The following DAB1 variants were observed in gnomAD, a reference collection of about 807,000 sequenced individuals.
The protein encoded by DAB1 is disabled homolog 1.
DAB1 carries 15 observed loss-of-function variants against 64.6 expected under a neutral mutation model. The ratio of observed to expected loss-of-function variants is 0.23; its 90% CI spans 0.16 to 0.36. The LOEUF (loss-of-function observed/expected upper bound fraction) is 0.36, where lower values mean the gene tolerates loss of function less well. DAB1 is among the 10% of genes least tolerant of loss of function. DAB1 has a pLI of 1.00. For missense variants in DAB1, 596 were observed against 706.7 expected (o/e 0.84, Z 1.78); for synonymous variants, 235 against 251.9 (o/e 0.93, Z 0.64).
At chr1:58,121,151 A>G (rs1354041411) in intron 5 of DAB1, among the ~76,000 whole-genome samples, 1 of 152,008 alleles carries the variant, frequency 6.6e-6, no homozygotes, top group East Asian at 1.9e-4. Context: ...TAGCACTTCT[A>G]TTTCTCCACT....
In DAB1 at chr1:57,752,691, G is replaced by A. The variant is rs1480855596; in HGVS notation, n.552-103026C>T. Among the ~76,000 whole-genome samples, 7 of 152,180 alleles carry A rather than the reference G, an allele frequency of 4.6e-5. 1 individual carries two copies. Among genetic ancestry groups the A allele is most frequent in the Admixed American group, 4.6e-4 (7 of 15,284 alleles). ...TTGGAGTTTGAGAGCCAGGGATAATGATTCAAGGCTCTAGAATGTACTGAA... is the reference window on the plus strand; with the variant it reads ...TTGGAGTTTGAGAGCCAGGGATAATAATTCAAGGCTCTAGAATGTACTGAA... On this transcript the variant is annotated intron_variant and non_coding_transcript_variant, in intron 6 of 20. Transcript: ENST00000485760.
intron 6 of DAB1, among the ~76,000 whole-genome samples, chr1:57,740,841 C>G (rs1419638993): frequency 6.6e-6 from 1 of 152,018 alleles, no homozygotes; most frequent in East Asian, 1.9e-4. Flanking sequence ...ATTTTATGTG[C>G]AAATGTGTCA....
At chr1:57,237,422 T>C (rs1218942937) in intron 2 of DAB1, among the ~76,000 whole-genome samples, 2 of 152,232 alleles carry the variant, frequency 1.3e-5, no homozygotes, top group African/African-American at 4.8e-5. Flanking sequence ...CCTTTATCAT[T>C]CATCCAAAAG....
chr1:58,066,133 A>G (rs1327311826), intron 5 of DAB1, among the ~76,000 whole-genome samples: 1 of 152,222 alleles, frequency 6.6e-6, no homozygotes, highest in Non-Finnish European at 1.5e-5. Context: ...GGGAAGAGCA[A>G]GTGATGAAAG....
rs571803311 is a variant in DAB1, at chr1:57,726,664, C to T, written n.552-76999G>A. On this transcript the variant is annotated intron_variant and non_coding_transcript_variant, in intron 6 of 20. Coordinates refer to the DAB1 transcript ENST00000485760. ...TCATGTACATGATCCTCATTTAATA[C>T]TACAAACAACCTTAATTTCTATTCT... Among the ~76,000 whole-genome samples the T allele has an allele frequency of 7.2e-5, 11 of 152,314 alleles. No individual in the cohort carries two copies. In the East Asian group the frequency reaches 2.1e-3, roughly 29 times the overall value.
At chr1:58,492,236 A>AC (rs1487017003) in intron 3 of DAB1, among the ~76,000 whole-genome samples, 10 of 152,230 alleles carry the variant, frequency 6.6e-5, no homozygotes, top group Non-Finnish European at 1.3e-4. Context: ...GACACAACAT[A>AC]CCAGAATCTC....
chr1:57,379,083 C>A (rs1238227244), intron 1 of DAB1, among the ~76,000 whole-genome samples: 1 of 152,034 alleles, frequency 6.6e-6, no homozygotes, highest in African/African-American at 2.4e-5. Context: ...TAGGGTGGTT[C>A]TTTACAGTTA....
At chr1:58,528,178 C>T (rs1569956406) in intron 1 of DAB1, among the ~76,000 whole-genome samples, 2 of 152,332 alleles carry the variant, frequency 1.3e-5, no homozygotes, top group South Asian at 4.1e-4. Flanking sequence ...TCATATAATG[C>T]CTTCACTCCC....
intron 6 of DAB1, among the ~76,000 whole-genome samples, chr1:57,742,711 G>C (rs1648061139): frequency 6.6e-6 from 1 of 152,150 alleles, no homozygotes; most frequent in African/African-American, 2.4e-5. Flanking sequence ...GGCTGTCTGG[G>C]AATATGCCTG....
chr1:57,217,843 A>T (rs1456884500), intron 2 of DAB1, among the ~76,000 whole-genome samples: 1 of 151,326 alleles, frequency 6.6e-6, no homozygotes, highest in Non-Finnish European at 1.5e-5. Flanking sequence ...CCCCCACCCC[A>T]CCCCACTATC....
chr1:57,743,503 A>G (rs1225974794), intron 6 of DAB1, among the ~76,000 whole-genome samples: 3 of 152,218 alleles, frequency 2.0e-5, no homozygotes, highest in Admixed American at 6.5e-5. Context: ...GGTGAAATAA[A>G]CAGCCATGTT....
intron 7 of DAB1, among the ~76,000 whole-genome samples, chr1:57,495,496 A>G (rs1644219842): frequency 6.6e-6 from 1 of 152,224 alleles, no homozygotes; most frequent in Non-Finnish European, 1.5e-5. Flanking sequence ...TTGTAGGAAC[A>G]GCAATGTGCA....
chr1:58,414,742 G>A (rs943635813), intron 3 of DAB1, among the ~76,000 whole-genome samples: 3 of 151,312 alleles, frequency 2.0e-5, no homozygotes, highest in Admixed American at 2.0e-4. Context: ...GAAGAAACTT[G>A]CACAAGGTCA....
At chr1:57,068,354 CAGTGGAGAGA>C in intron 8 of DAB1, among the ~76,000 whole-genome samples, 1 of 152,210 alleles carries the variant, frequency 6.6e-6, no homozygotes, top group African/African-American at 2.4e-5. Context: ...CAGATAGATC[CAGTGGAGAGA>C]AAATATTATT....
At chr1:57,585,619 A>T (rs1645369945) in intron 7 of DAB1, among the ~76,000 whole-genome samples, 2 of 152,028 alleles carry the variant, frequency 1.3e-5, no homozygotes, top group Non-Finnish European at 2.9e-5. Context: ...TCGCACATTT[A>T]TGGTTTCTTT....
At position 57,515,134 on chromosome 1, in the gene DAB1, A is replaced by G. The variant is rs144279080; in HGVS notation, n.625+134458T>C. On this transcript the variant is annotated intron_variant and non_coding_transcript_variant, in intron 7 of 20. Coordinates refer to the DAB1 transcript ENST00000485760. ...AAAGAAAGAAAAAAGAAAAGAAAAG[A>G]AAAGAAAAGAAAGGCAAAGCAAAAA... Among the ~76,000 whole-genome samples the G allele has an allele frequency of 3.7e-3, 570 of 152,314 alleles. 6 individuals carry two copies. Among genetic ancestry groups the G allele is most frequent in the Middle Eastern group, 6.8e-3 (2 of 294 alleles).
chr1:58,299,678 C>T (rs1034300077), intron 4 of DAB1, among the ~76,000 whole-genome samples: 7 of 152,148 alleles, frequency 4.6e-5, no homozygotes, highest in Admixed American at 4.6e-4. Flanking sequence ...CTTAAAGATG[C>T]TGTATGTGGA....
chr1:57,323,272 G>A (rs912231007), intron 1 of DAB1, among the ~76,000 whole-genome samples: 2 of 152,164 alleles, frequency 1.3e-5, no homozygotes, highest in Non-Finnish European at 2.9e-5. Flanking sequence ...AGGCTAAGAT[G>A]CATAAACAGC....
chr1:57,160,742 T>C (rs1569662344), intron 2 of DAB1, among the ~76,000 whole-genome samples: 2 of 152,294 alleles, frequency 1.3e-5, no homozygotes, highest in African/African-American at 2.4e-5. Context: ...CAGGATCTTC[T>C]TGGTCAAGAG....
Sources: gnomAD v4.1 joint callset for allele counts (sites outside exome capture counted in the v4.1 genomes callset) on GRCh38, gnomAD v4.1.1 for gene constraint, MANE v1.5 for transcripts, NCBI Gene and HGNC (gene_info 2026-07-23, HGNC 2026-07-21) for gene names.